The following PANX1 variants were observed in gnomAD, a reference collection of about 807,000 sequenced individuals.
The protein encoded by PANX1 is pannexin-1.
Under a neutral mutation model 38.7 loss-of-function variants are expected in PANX1, and 30 were observed. The ratio of observed to expected loss-of-function variants is 0.78; its 90% confidence interval spans 0.58 to 1.05. PANX1 has a LOEUF of 1.05. PANX1 is among the 50% of genes least tolerant of loss of function. PANX1 has a pLI of 0.00. For missense variants in PANX1, 551 were observed against 517.2 expected (o/e 1.07, Z -0.63); for synonymous variants, 230 against 212.2 (o/e 1.08, Z -0.73).
intron 2 of PANX1, among the ~76,000 whole-genome samples, chr11:94,159,739 C>G (rs1016088217): frequency 2.0e-5 from 3 of 151,824 alleles, no homozygotes; most frequent in Middle Eastern, 3.4e-3. Flanking sequence ...CAGTTCTGCC[C>G]TGATGTTAGT....
rs200005001 is a variant in PANX1, at chr11:94,180,284, C to T, written c.1201+27C>T. The T allele has an allele frequency of 7.3e-5, 112 of 1,539,426 alleles. No homozygotes were observed. The African/African-American group carries it at 1.5e-3, about 20-fold the overall frequency. On this transcript the variant is annotated intron_variant, in intron 4 of 4. Coordinates refer to ENST00000227638, the MANE Select transcript of PANX1 (RefSeq NM_015368.4). ...TAGGGTTTGCTTTTGGCAGAGGCTA[C>T]GGGAGTCTACCGAGAGCCTTTGCAG...
At chr11:94,135,096 G>A (rs919941929) in intron 1 of PANX1, among the ~76,000 whole-genome samples, 2 of 152,148 alleles carry the variant, frequency 1.3e-5, no homozygotes, top group Non-Finnish European at 2.9e-5. Context: ...AGGAGAGCCC[G>A]TGTCTCCTGC....
At chr11:94,155,955 A>G (rs1946944563) in intron 2 of PANX1, among the ~76,000 whole-genome samples, 1 of 152,184 alleles carries the variant, frequency 6.6e-6, no homozygotes. Flanking sequence ...TTGCTTTGTA[A>G]ATCCAAATTT....
In PANX1 at chr11:94,129,213, A is replaced by G; in HGVS notation, c.-100A>G. ...TGCGGGAGCAGGCAAAGGGAAAGCG[A>G]AAGCCGCGCGCCCGGCCGGTGACTG... On this transcript the variant is annotated 5_prime_UTR_variant, in exon 1 of 5. Coordinates refer to ENST00000227638, the MANE Select transcript of PANX1 (RefSeq NM_015368.4). 4.8e-6 allele frequency: 5 copies of G among 1,038,036 alleles called. No homozygotes were observed. Among genetic ancestry groups the G allele is most frequent in the Non-Finnish European group, 6.9e-6 (5 of 723,400 alleles). The allele number at this position is 1,038,036 out of a possible 1,614,324, so 64.3% of individuals were successfully genotyped here.
intron 2 of PANX1, among the ~76,000 whole-genome samples, chr11:94,169,483 C>T (rs565297062): frequency 6.6e-6 from 1 of 151,492 alleles, no homozygotes; most frequent in Non-Finnish European, 1.5e-5. Flanking sequence ...AAGTTTTAAC[C>T]CAGTGTGCCC....
At chr11:94,159,528 T>C (rs1414796931) in intron 2 of PANX1, among the ~76,000 whole-genome samples, 1 of 151,742 alleles carries the variant, frequency 6.6e-6, no homozygotes, top group East Asian at 1.9e-4. Context: ...GAGGTGTTTA[T>C]AGTATTCTCA....
At position 94,156,211 on chromosome 11, in the gene PANX1, A is replaced by C. The variant is rs530174547; in HGVS notation, c.321+2581A>C. Among the ~76,000 whole-genome samples the C allele has an allele frequency of 3.6e-4, 55 of 152,248 alleles. 4 individuals are homozygous for C. The highest frequency in any genetic ancestry group is 4.4e-5 in the Non-Finnish European group (3 of 68,044). On this transcript the variant is annotated intron_variant, in intron 2 of 4. Transcript: ENST00000227638. ...TATAGGACCAGTTACTGACCAACAC[A>C]TCAGAGCTCAGATCTTCAGACTTCT...
At chr11:94,150,107 G>GAGCC (rs1946868193) in intron 1 of PANX1, among the ~76,000 whole-genome samples, 1 of 152,196 alleles carries the variant, frequency 6.6e-6, no homozygotes, top group Non-Finnish European at 1.5e-5. Context: ...TTTGAAAGAT[G>GAGCC]AGCCATTGAG....
At chr11:94,141,022 C>A (rs1186312369) in intron 1 of PANX1, among the ~76,000 whole-genome samples, 1 of 152,198 alleles carries the variant, frequency 6.6e-6, no homozygotes, top group Non-Finnish European at 1.5e-5. Flanking sequence ...CAAAACTGCA[C>A]TGCATACACT....
chr11:94,137,946 C>CA (rs888864664), intron 1 of PANX1, among the ~76,000 whole-genome samples: 1 of 134,706 alleles, frequency 7.4e-6, no homozygotes, highest in Non-Finnish European at 1.6e-5. Context: ...TTGGCAGTGA[C>CA]ATGGAATGTT....
chr11:94,173,212 C>G (rs374039926), intron 2 of PANX1, among the ~76,000 whole-genome samples: 5 of 151,672 alleles, frequency 3.3e-5, no homozygotes, highest in South Asian at 4.1e-4. Context: ...CTGCTTTTCT[C>G]CATTTCTTCC....
intron 2 of PANX1, among the ~76,000 whole-genome samples, chr11:94,157,855 T>C (rs1483001520): frequency 6.6e-6 from 1 of 152,210 alleles, no homozygotes; most frequent in Non-Finnish European, 1.5e-5. Flanking sequence ...GGTTTTCTTC[T>C]AGGGTTTTTA....
chr11:94,153,638 G>A lies in PANX1; in HGVS notation c.321+8G>A, dbSNP rs1946911883. 1.9e-6 allele frequency: 3 copies of A among 1,611,700 alleles called. No individual in the cohort carries two copies. The highest frequency in any genetic ancestry group is 1.3e-5 in the African/African-American group (1 of 74,952). The stretch of plus-strand genomic sequence containing the variant: ...CCACTGTGGCTGCATAAGGTAAAGG[G>A]AGACATTTCCAAATAGAACCTGTTT... On this transcript the variant is annotated splice_region_variant and intron_variant, in intron 2 of 4. Transcript: ENST00000227638.
chr11:94,162,382 T>A (rs972581904), intron 2 of PANX1, among the ~76,000 whole-genome samples: 1 of 152,192 alleles, frequency 6.6e-6, no homozygotes, highest in Non-Finnish European at 1.5e-5. Context: ...TCGAGTTTCC[T>A]GGCCACTTTG....
At chr11:94,160,378 C>T (rs920531909) in intron 2 of PANX1, among the ~76,000 whole-genome samples, 7 of 152,262 alleles carry the variant, frequency 4.6e-5, no homozygotes, top group African/African-American at 1.4e-4. Context: ...TTGTAGGTCT[C>T]TAAGGACTGG....
At chr11:94,169,156 G>A (rs1947135375) in intron 2 of PANX1, among the ~76,000 whole-genome samples, 1 of 151,544 alleles carries the variant, frequency 6.6e-6, no homozygotes, top group Non-Finnish European at 1.5e-5. Context: ...AGTGTTTAAA[G>A]CTATAGGAGT....
chr11:94,130,059 A>G (rs1473743775), intron 1 of PANX1, among the ~76,000 whole-genome samples: 1 of 152,256 alleles, frequency 6.6e-6, no homozygotes, highest in Non-Finnish European at 1.5e-5. Flanking sequence ...CAAATGTGAG[A>G]TGAACAAGTC....
chr11:94,138,764 A>G (rs111324910), intron 1 of PANX1, among the ~76,000 whole-genome samples: 3,342 of 152,282 alleles, frequency 0.022, 57 homozygotes, highest in Non-Finnish European at 0.034. Flanking sequence ...TTTTATGCCC[A>G]TTAACCATCC....
At position 94,129,147 on chromosome 11, in the gene PANX1, C is replaced by A. The variant is rs1227872031; in HGVS notation, c.-166C>A. 8 of 532,114 alleles carry A rather than the reference C, an allele frequency of 1.5e-5. No individual in the cohort carries two copies. The African/African-American group carries it at 1.6e-4, about 11-fold the overall frequency. The allele number at this position is 532,114 out of a possible 1,614,324, so 33.0% of individuals were successfully genotyped here. ...AGCGAGCGCGAGAGCCCAGCGGAGT[C>A]GCTGGGAGCCTGAGGCACCGAGACA... On this transcript the variant is annotated 5_prime_UTR_variant, in exon 1 of 5. The change creates a premature stop within an existing upstream ORF in the 5' untranslated region. Transcript: ENST00000227638.
Sources: gnomAD v4.1 joint callset for allele counts (sites outside exome capture counted in the v4.1 genomes callset) on GRCh38, gnomAD v4.1.1 for gene constraint, MANE v1.5 for transcripts, NCBI Gene and HGNC (gene_info 2026-07-23, HGNC 2026-07-21) for gene names.